Variants in PZP observed in about 807,000 individuals in gnomAD.
PZP encodes pregnancy zone protein.
In PZP, 150 loss-of-function variants were observed where a neutral mutation model predicts 179.8. The observed-to-expected ratio is 0.83, with a 90% CI of 0.73 to 0.96. The LOEUF is 0.96. Ranked by LOEUF, PZP falls within the 40% of genes least tolerant of loss-of-function variation. PZP has a pLI of 0.00. For synonymous variants in PZP, 624 were observed against 652.3 expected (o/e 0.96, Z 0.66); for missense variants, 1,689 against 1,764.0 (o/e 0.96, Z 0.76).
chr12:9,196,814 C>G, intron 8 of PZP, 129 bp from the exon 9 acceptor site: 1 of 814,842 alleles, frequency 1.2e-6, no homozygotes, highest in Non-Finnish European at 2.0e-6. Flanking sequence ...CCTTCGAGAA[C>G]TTAATACTCA....
chr12:9,202,188 G>C lies in PZP; in HGVS notation c.480+131C>G, dbSNP rs945406403. 1.1e-4 allele frequency: 91 copies of C among 794,780 alleles called. 1 individual carries two copies. In the South Asian group the frequency reaches 1.6e-3, roughly 14 times the overall value. The allele number at this position is 794,780 out of a possible 1,614,324, so 49.2% of individuals were successfully genotyped here. A position where few individuals can be genotyped will look rare whatever the true frequency, so the allele number is the denominator to read the frequency against. ...TTGTTTTGTATAAGACTGCAAATCT[G>C]TGCTGAGGCTGGAGCCAAGTTCAAA... is the stretch of plus-strand genomic sequence containing the variant. On this transcript the variant is annotated intron_variant, in intron 4 of 35. Transcript: ENST00000261336.
intron 7 of PZP, among the ~76,000 whole-genome samples, chr12:9,199,890 G>T (rs558857302): frequency 9.2e-5 from 14 of 152,218 alleles, no homozygotes; most frequent in Admixed American, 7.2e-4. Context: ...AAAAGAAAAG[G>T]TACTTAGGAG....
the PZP span, among the ~76,000 whole-genome samples, chr12:9,142,713 C>A: frequency 2.6e-5 from 4 of 152,102 alleles, no homozygotes; most frequent in Non-Finnish European, 5.9e-5. Flanking sequence ...GATTATTGGC[C>A]TTTGGGTGAG....
intron 10 of PZP, among the ~76,000 whole-genome samples, chr12:9,195,662 A>G (rs1943733600): frequency 8.0e-6 from 1 of 125,292 alleles, no homozygotes; most frequent in South Asian, 2.5e-4. Context: ...CTATGTTACT[A>G]GGGCCGATCT....
chr12:9,202,236 G>A (rs1178505396), intron 4 of PZP, 83 bp downstream of exon 4: 20 of 1,259,446 alleles, frequency 1.6e-5, no homozygotes, highest in African/African-American at 7.4e-5. Flanking sequence ...TCATCCTCTC[G>A]CTTTTCTTGT....
chr12:9,203,246 T>C (rs900088413), intron 2 of PZP, among the ~76,000 whole-genome samples: 15 of 148,186 alleles, frequency 1.0e-4, no homozygotes, highest in African/African-American at 3.4e-4. Context: ...TTTAGAAGAG[T>C]ATTTCTTCCT....
At position 9,192,253 on chromosome 12, in the gene PZP, T is replaced by C. The variant is rs765762984; in HGVS notation, c.1486A>G (p.Met496Val). 1.9e-6 allele frequency: 3 copies of C among 1,613,948 alleles called. No homozygotes were observed. The highest frequency in any genetic ancestry group is 2.5e-6 in the Non-Finnish European group (3 of 1,179,864). Residue 496 changes from methionine (M) to valine (V), a missense_variant, in exon 13 of 36, where the codon ATG becomes GTG. Physicochemically the swap from Met to Val is conservative, Grantham distance 21. Coordinates refer to ENST00000261336, the MANE Select transcript of PZP (RefSeq NM_002864.3). The stretch of plus-strand genomic sequence containing the variant: ...GATCTGACGATGACTCCCTTAGCCA[T>C]GATCTGAAATGAAAAAACAGTGAAG... ...LSELSFHYLIMAKGVIVRSGT... is the reference protein window; with the variant it reads ...LSELSFHYLIVAKGVIVRSGT...
Position 9,197,050 on chromosome 12 carries a change from A to T in PZP, c.829T>A (p.Cys277Ser). Reference protein sequence around the residue: ...LCRKLSRVLNCDKQEVCEEFS... With the variant: ...LCRKLSRVLNSDKQEVCEEFS... ...TCCTCACAGACCTCCTGCTTGTCACAATTAAGAACACGAGATAATTTTCTA... is the reference window on the plus strand; with the variant it reads ...TCCTCACAGACCTCCTGCTTGTCACTATTAAGAACACGAGATAATTTTCTA... The change falls in exon 8 of 36, where the codon TGT (cysteine) becomes AGT (serine). Residue 277 changes from cysteine to serine, a missense_variant. Around this residue, in one of 3 missense-constraint regions of PZP, gnomAD observed 742 missense variants for 730.5 expected, o/e 1.02. Coordinates refer to ENST00000261336, the MANE Select transcript of PZP (RefSeq NM_002864.3). 1 of 1,613,720 alleles carries T rather than the reference A, an allele frequency of 6.2e-7. No homozygotes were observed. Among genetic ancestry groups the T allele is most frequent in the Non-Finnish European group, 8.5e-7 (1 of 1,179,776 alleles).
chr12:9,199,906 A>G (rs968483934), intron 7 of PZP, among the ~76,000 whole-genome samples: 1 of 152,178 alleles, frequency 6.6e-6, no homozygotes, highest in African/African-American at 2.4e-5. Context: ...AGGAGTCATA[A>G]TAACCAAAAC....
At chr12:9,169,229 G>T (rs1267468941) in intron 16 of PZP, among the ~76,000 whole-genome samples, 1 of 151,992 alleles carries the variant, frequency 6.6e-6, no homozygotes, top group African/African-American at 2.4e-5. Flanking sequence ...ATAGGCAGAG[G>T]TTAGATCTAG....
At chr12:9,159,036 C>T (rs1261300264) in intron 25 of PZP, among the ~76,000 whole-genome samples, 1 of 151,892 alleles carries the variant, frequency 6.6e-6, no homozygotes, top group African/African-American at 2.4e-5. Flanking sequence ...CACTTTTTTC[C>T]CCTGTGTTTG....
rs1942801814 is a variant in PZP at position 9,182,117 on chromosome 12, A to G, written c.1547T>C (p.Met516Thr). ...GAAGGATAAGGCAAAACTGCCTTTC[A>G]CTGGAACATGGAGAGAGTGAGACAA... The part of the protein sequence containing the change: ...THTLPVESGD[M>T]KGSFALSFPV... The change falls in exon 14 of 36, where the codon ATG becomes ACG. Residue 516 changes from methionine (M) to threonine (T), a missense_variant and splice_region_variant. Met to Thr is a moderately conservative substitution (Grantham distance 81). Around this residue, in one of 3 missense-constraint regions of PZP, gnomAD observed 742 missense variants for 730.5 expected, o/e 1.02. Transcript: ENST00000261336. 6.2e-7 allele frequency: 1 copy of G among 1,613,486 alleles called. No individual in the cohort carries two copies. Among genetic ancestry groups the G allele is most frequent in the African/African-American group, 1.3e-5 (1 of 74,916 alleles).
At chr12:9,141,540 C>T in the PZP span, among the ~76,000 whole-genome samples, 2 of 152,156 alleles carry the variant, frequency 1.3e-5, no homozygotes, top group Non-Finnish European at 2.9e-5. Context: ...CTGGATGATA[C>T]TTCTTCAACT....
chr12:9,152,094 G>A, intron 32 of PZP, 126 bp downstream of exon 32: 1 of 750,348 alleles, frequency 1.3e-6, no homozygotes, highest in Non-Finnish European at 2.3e-6. Flanking sequence ...TTTACTTCCT[G>A]GGTTTGGGAA....
At chr12:9,208,112 C>G (rs965411236) in intron 1 of PZP, 147 bp downstream of exon 1, 3 of 603,196 alleles carry the variant, frequency 5.0e-6, no homozygotes, top group Non-Finnish European at 9.0e-6. Flanking sequence ...AAATGAAAGA[C>G]AAACAAGGGA....
chr12:9,163,801 A>T lies in PZP; in HGVS notation c.2615-12T>A, dbSNP rs777824453. The T allele has an allele frequency of 2.5e-6, 4 of 1,609,352 alleles. No individual in the cohort carries two copies. Among genetic ancestry groups the T allele is most frequent in the Non-Finnish European group, 3.4e-6 (4 of 1,178,498 alleles). ...GAAGTTCACATTCCCTAAAACAAGG[A>T]ATATTGAAAACATGAGTATCCACTT... On this transcript the variant is annotated splice_polypyrimidine_tract_variant and intron_variant, in intron 20 of 35. Coordinates refer to ENST00000261336, the MANE Select transcript of PZP (RefSeq NM_002864.3).
At chr12:9,157,665 T>C (rs888590231) in intron 27 of PZP, 102 bp downstream of exon 27, 11 of 1,077,828 alleles carry the variant, frequency 1.0e-5, no homozygotes, top group Non-Finnish European at 1.5e-5. Context: ...TCCCTCATCA[T>C]TGAACCAAAA....
chr12:9,161,804 G>A (rs1941222789), intron 22 of PZP, among the ~76,000 whole-genome samples: 1 of 152,132 alleles, frequency 6.6e-6, no homozygotes, highest in Non-Finnish European at 1.5e-5. Context: ...TTAATGATAT[G>A]ATGAACTTAA....
intron 4 of PZP, among the ~76,000 whole-genome samples, chr12:9,201,855 A>C (rs1012420264): frequency 1.3e-5 from 2 of 152,116 alleles, no homozygotes; most frequent in African/African-American, 4.8e-5. Flanking sequence ...AGGTAAGTTG[A>C]AAAAAGGGAA....
Sources: allele counts gnomAD v4.1 joint callset (sites outside exome capture counted in the v4.1 genomes callset), GRCh38; gene constraint gnomAD v4.1.1; regional missense constraint gnomAD v4.1.1; transcripts MANE v1.5; gene names NCBI Gene and HGNC (gene_info 2026-07-23, HGNC 2026-07-21).